Variants in UPP2 observed in about 807,000 individuals in gnomAD.
UPP2 encodes the protein uridine phosphorylase 2, also known as UPase 2.
A neutral mutation model predicts 26.7 loss-of-function variants in UPP2; 23 were observed. The ratio of observed to expected loss-of-function variants is 0.86; its 90% CI spans 0.62 to 1.22. UPP2 has a LOEUF of 1.22. UPP2 is among the 50% of genes most tolerant of loss of function. The pLI is 0.00. For synonymous variants in UPP2, 127 were observed against 141.3 expected, an observed-to-expected ratio of 0.90 and a Z score of 0.72; for missense variants, 387 against 396.7, an observed-to-expected ratio of 0.98 and a Z score of 0.21.
At chr2:158,083,866 TTTA>T (rs978975923) in intron 3 of UPP2, among the ~76,000 whole-genome samples, 8 of 145,014 alleles carry the variant, frequency 5.5e-5, no homozygotes, top group African/African-American at 2.1e-4. Context: ...ATATATGTTT[TTTA>T]TATATATATA....
At chr2:158,067,593 T>C (rs971773879) in intron 3 of UPP2, among the ~76,000 whole-genome samples, 2 of 152,172 alleles carry the variant, frequency 1.3e-5, no homozygotes, top group Admixed American at 6.6e-5. Flanking sequence ...TGTCCCATTA[T>C]GGGCAGAGAA....
At chr2:158,121,753 T>C (rs1224426814) in intron 5 of UPP2, 135 bp downstream of exon 5, 1 of 765,236 alleles carries the variant, frequency 1.3e-6, no homozygotes, top group East Asian at 2.7e-5. Flanking sequence ...TGAAACAGCC[T>C]TTTTTACTTA....
chr2:158,093,102 G>T (rs915785652), intron 3 of UPP2, among the ~76,000 whole-genome samples: 2 of 152,016 alleles, frequency 1.3e-5, no homozygotes, highest in Non-Finnish European at 2.9e-5. Context: ...TGTATTTTTA[G>T]TAGAAATGGG....
At chr2:158,084,217 T>C (rs188341265) in intron 3 of UPP2, among the ~76,000 whole-genome samples, 275 of 152,272 alleles carry the variant, frequency 1.8e-3, no homozygotes, top group African/African-American at 3.8e-3. Flanking sequence ...AGGAGTAAGC[T>C]CATATTGTGT....
At chr2:158,038,135 G>C (rs1684031602) in intron 3 of UPP2, among the ~76,000 whole-genome samples, 1 of 152,158 alleles carries the variant, frequency 6.6e-6, no homozygotes, top group Non-Finnish European at 1.5e-5. Context: ...CTTATTTTCA[G>C]TTTCCCAAGT....
chr2:158,074,950 A>G (rs1159361715), intron 3 of UPP2, among the ~76,000 whole-genome samples: 1 of 152,078 alleles, frequency 6.6e-6, no homozygotes, highest in East Asian at 1.9e-4. Flanking sequence ...GCAAATGGAA[A>G]CCAAAAAAAG....
intron 3 of UPP2, among the ~76,000 whole-genome samples, chr2:158,057,513 G>A (rs1190949193): frequency 6.6e-6 from 1 of 152,092 alleles, no homozygotes; most frequent in African/African-American, 2.4e-5. Flanking sequence ...AAAACTCTTT[G>A]AGTTGGCATG....
intron 3 of UPP2, among the ~76,000 whole-genome samples, chr2:158,025,064 G>C (rs1217651249): frequency 6.6e-6 from 1 of 151,986 alleles, no homozygotes; most frequent in Non-Finnish European, 1.5e-5. Context: ...AGCCAGGCAT[G>C]ATGGCGGGGT....
At chr2:158,055,969 T>C (rs1359108576) in intron 3 of UPP2, among the ~76,000 whole-genome samples, 1 of 152,186 alleles carries the variant, frequency 6.6e-6, no homozygotes, top group Non-Finnish European at 1.5e-5. Context: ...AATGGAAGGT[T>C]AACAAGACCT....
chr2:158,046,392 G>A (rs921775658), intron 3 of UPP2, among the ~76,000 whole-genome samples: 1 of 152,128 alleles, frequency 6.6e-6, no homozygotes, highest in Non-Finnish European at 1.5e-5. Context: ...TTACTCTTAA[G>A]CATCTGGCTT....
chr2:158,048,094 C>T (rs1158947257), intron 3 of UPP2, among the ~76,000 whole-genome samples: 1 of 152,140 alleles, frequency 6.6e-6, no homozygotes, highest in East Asian at 1.9e-4. Context: ...CTGGGCATTT[C>T]CCCAAGCACC....
At position 158,101,986 on chromosome 2, in the gene UPP2, G is replaced by A. The variant is rs1683084878; in HGVS notation, c.-78G>A. 17 of 1,598,168 alleles carry A rather than the reference G, an allele frequency of 1.1e-5. No individual in the cohort carries two copies. The South Asian group carries it at 1.9e-4, about 18-fold the overall frequency. On this transcript the variant is annotated 5_prime_UTR_variant, in exon 1 of 7. Transcript: ENST00000005756. ...CTGGGAACTGAACTATTATGACTAG[G>A]TCTATAATTTAATAACAAGTCACAA...
At chr2:158,019,390 T>C (rs1005339390) in intron 3 of UPP2, among the ~76,000 whole-genome samples, 3 of 151,898 alleles carry the variant, frequency 2.0e-5, no homozygotes, top group African/African-American at 7.3e-5. Flanking sequence ...GGGAGTAGTA[T>C]AGGCGCAGAA....
In UPP2 at chr2:158,090,432, C is replaced by T. The variant is rs1682892265; in HGVS notation, c.148-11608C>T. ...AGGAGAATGGCGTGAACCCGGGAGGCGGAGCTTGCAGTGAGCCGAGATGGT... is the reference window on the plus strand; with the variant it reads ...AGGAGAATGGCGTGAACCCGGGAGGTGGAGCTTGCAGTGAGCCGAGATGGT... On this transcript the variant is annotated intron_variant, in intron 3 of 9. Transcript: ENST00000605860. Among the ~76,000 whole-genome samples, 5 of 152,006 alleles carry T rather than the reference C, an allele frequency of 3.3e-5. No individual in the cohort carries two copies. In the South Asian group the frequency reaches 1.0e-3, roughly 32 times the overall value.
chr2:158,058,292 C>CAAAAA (rs57994785), intron 3 of UPP2, among the ~76,000 whole-genome samples: 6 of 38,786 alleles, frequency 1.5e-4, no homozygotes, highest in Non-Finnish European at 1.0e-4. Flanking sequence ...GACTCCGTCT[C>CAAAAA]AAAAAAAAAA....
intron 3 of UPP2, among the ~76,000 whole-genome samples, chr2:158,030,931 G>T (rs1683911311): frequency 6.6e-6 from 1 of 152,274 alleles, no homozygotes; most frequent in East Asian, 1.9e-4. Flanking sequence ...ATCTAGCTGG[G>T]ATGGTTATCT....
chr2:158,074,981 T>A (rs139280787), intron 3 of UPP2, among the ~76,000 whole-genome samples: 1 of 151,922 alleles, frequency 6.6e-6, no homozygotes, highest in South Asian at 2.1e-4. Context: ...GCAATACTTA[T>A]ATGAGACAAA....
rs1245958026 is a variant in UPP2, at chr2:158,006,515, T to C, written c.62-9286T>C. On this transcript the variant is annotated intron_variant, in intron 2 of 9. Coordinates refer to the UPP2 transcript ENST00000605860. ...AAAAAAAAAAGTCCATAATTCCCAA[T>C]ATGAAGCAGAACACTCAACATCTTC... Among the ~76,000 whole-genome samples, 6 of 141,740 alleles carry C rather than the reference T, an allele frequency of 4.2e-5. No homozygotes were observed. The East Asian group carries it at 8.3e-4, about 20-fold the overall frequency. The allele number at this position is 141,740 out of a possible 152,430, so 93.0% of individuals were successfully genotyped here.
chr2:158,026,265 T>C (rs1683831858), intron 3 of UPP2, among the ~76,000 whole-genome samples: 1 of 152,146 alleles, frequency 6.6e-6, no homozygotes, highest in Non-Finnish European at 1.5e-5. Context: ...CCCAGAGCAT[T>C]ACCCTTGGTG....
Sources: gnomAD v4.1 joint callset for allele counts (sites outside exome capture counted in the v4.1 genomes callset) on GRCh38, gnomAD v4.1.1 for gene constraint, MANE v1.5 for transcripts, NCBI Gene and HGNC (gene_info 2026-07-23, HGNC 2026-07-21) for gene names.